The following GDA variants were observed in gnomAD, a reference collection of about 807,000 sequenced individuals.
GDA encodes the protein cytoplasmic PSD-95 interactor.
Under a neutral mutation model 59.6 loss-of-function variants are expected in GDA, and 18 were observed. That is an observed-to-expected ratio of 0.30 (90% CI 0.21 to 0.45). The LOEUF is 0.45. Ranked by LOEUF, GDA falls within the 20% of genes least tolerant of loss-of-function variation. GDA has a pLI of 1.00. For synonymous variants in GDA, 201 were observed against 201.1 expected (o/e 1.00, Z 0.00); for missense variants, 427 against 552.3 (o/e 0.77, Z 2.27).
At chr9:72,202,770 T>C (rs1834166321) in intron 3 of GDA, 28 bp downstream of exon 3, 6 of 1,533,088 alleles carry the variant, frequency 3.9e-6, no homozygotes, top group Non-Finnish European at 5.4e-6. Flanking sequence ...GAGTGTGGTA[T>C]TCTGTTTGGT....
intron 1 of GDA, among the ~76,000 whole-genome samples, chr9:72,128,683 G>T (rs1463907215): frequency 6.6e-6 from 1 of 152,158 alleles, no homozygotes; most frequent in African/African-American, 2.4e-5. Context: ...CTTCAAGCCA[G>T]CACGAAACCA....
intron 1 of GDA, among the ~76,000 whole-genome samples, chr9:72,154,029 T>C (rs1827589763): frequency 1.3e-5 from 2 of 152,174 alleles, no homozygotes; most frequent in African/African-American, 4.8e-5. Flanking sequence ...AGGTAATGCA[T>C]GCTCAAATAT....
At chr9:72,202,347 C>G (rs1310151254) in intron 2 of GDA, among the ~76,000 whole-genome samples, 2 of 152,304 alleles carry the variant, frequency 1.3e-5, no homozygotes, top group South Asian at 4.1e-4. Context: ...CACTGGTTAA[C>G]CCCGACCAGC....
intron 10 of GDA, among the ~76,000 whole-genome samples, chr9:72,234,843 T>C (rs1216396748): frequency 2.0e-5 from 3 of 152,216 alleles, no homozygotes; most frequent in African/African-American, 7.2e-5. Context: ...GATGTTTTTG[T>C]TGGCACACAA....
At chr9:72,183,585 G>T (rs2131112924) in intron 1 of GDA, among the ~76,000 whole-genome samples, 1 of 152,312 alleles carries the variant, frequency 6.6e-6, no homozygotes, top group African/African-American at 2.4e-5. Flanking sequence ...CCGTTAGCCT[G>T]TAGGCAACTG....
chr9:72,200,514 T>C (rs1833852862), intron 2 of GDA, among the ~76,000 whole-genome samples: 1 of 152,168 alleles, frequency 6.6e-6, no homozygotes, highest in Non-Finnish European at 1.5e-5. Flanking sequence ...CTCAACTAGA[T>C]TATAAAGTCT....
chr9:72,186,947 A>T (rs1831931078), intron 1 of GDA, among the ~76,000 whole-genome samples: 2 of 151,940 alleles, frequency 1.3e-5, no homozygotes, highest in Admixed American at 1.3e-4. Context: ...TGTCTAATTC[A>T]TTTTCTACCT....
upstream of GDA, among the ~76,000 whole-genome samples, chr9:72,144,887 TC>T (rs1447644349): frequency 3.3e-5 from 5 of 150,988 alleles, no homozygotes; most frequent in Non-Finnish European, 5.9e-5. Context: ...TTTTGGTGTA[TC>T]TTTTTTTTTT....
intron 1 of GDA, 34 bp downstream of exon 1, chr9:72,149,716 G>A: frequency 6.4e-7 from 1 of 1,566,612 alleles, no homozygotes; most frequent in Non-Finnish European, 8.6e-7. Context: ...CACTCCGACG[G>A]GCGGGAGGAT....
At chr9:72,255,030 C>T (rs987792088), downstream of GDA, among the ~76,000 whole-genome samples, 1 of 152,130 alleles carries the variant, frequency 6.6e-6, no homozygotes, top group Non-Finnish European at 1.5e-5. Context: ...ACAGATGAGC[C>T]CTCAAATTGG....
chr9:72,146,231 AG>A (rs1826628162), upstream of GDA, among the ~76,000 whole-genome samples: 1 of 152,096 alleles, frequency 6.6e-6, no homozygotes, highest in African/African-American at 2.4e-5. Context: ...GTGTGAGCAA[AG>A]CGGATTCATA....
At chr9:72,222,115 G>T (rs1836963169) in intron 6 of GDA, among the ~76,000 whole-genome samples, 1 of 152,144 alleles carries the variant, frequency 6.6e-6, no homozygotes, top group African/African-American at 2.4e-5. Flanking sequence ...TCTGTCTCTA[G>T]GTATTTGCAG....
intron 4 of GDA, among the ~76,000 whole-genome samples, chr9:72,213,134 G>T (rs1488577132): frequency 1.3e-5 from 2 of 152,180 alleles, no homozygotes; most frequent in African/African-American, 2.4e-5. Context: ...TGGGCACAGT[G>T]GTGCGTGCCT....
intron 7 of GDA, among the ~76,000 whole-genome samples, chr9:72,224,991 G>A (rs986705278): frequency 6.6e-6 from 1 of 151,918 alleles, no homozygotes; most frequent in Non-Finnish European, 1.5e-5. Flanking sequence ...TTTCTTAAAC[G>A]GCCAGTATGG....
Position 72,188,937 on chromosome 9 carries a change from T to TA in GDA, c.124-6560dup, listed in dbSNP as rs150684396. 5.5e-3 allele frequency among the ~76,000 whole-genome samples: 775 copies of TA among 140,450 alleles called. 7 individuals carry two copies. Among genetic ancestry groups the TA allele is most frequent in the African/African-American group, 0.019 (751 of 39,504 alleles). 92.1% of individuals were successfully genotyped at this position (140,450 alleles called of 152,430 possible). A position where few individuals can be genotyped will look rare whatever the true frequency, so the allele number is the denominator to read the frequency against. On this transcript the variant is annotated intron_variant, in intron 1 of 13. Transcript: ENST00000358399. ...AAGATTATTCTCTAAATTGAGGGCT[T>TA]AAAGTGTTTTTTCCCATTGGGTTTT... is the stretch of plus-strand genomic sequence containing the variant.
intron 10 of GDA, among the ~76,000 whole-genome samples, chr9:72,239,704 G>A (rs1483999939): frequency 3.9e-5 from 6 of 152,058 alleles, no homozygotes; most frequent in Non-Finnish European, 8.8e-5. Context: ...AATTGTATTT[G>A]TTTTCTTAGT....
intron 5 of GDA, among the ~76,000 whole-genome samples, chr9:72,216,821 G>A (rs1026522988): frequency 4.0e-4 from 61 of 152,016 alleles, no homozygotes; most frequent in African/African-American, 1.2e-3. Context: ...GACTACAGGC[G>A]CCCGCCACCA....
chr9:72,126,106 C>T (rs931574256), intron 1 of GDA, among the ~76,000 whole-genome samples: 2 of 151,904 alleles, frequency 1.3e-5, no homozygotes, highest in Non-Finnish European at 1.5e-5. Flanking sequence ...TTAGTACAGA[C>T]GGGGTTTCAC....
chr9:72,149,909 G>A (rs1826950165), intron 1 of GDA, among the ~76,000 whole-genome samples: 2 of 152,332 alleles, frequency 1.3e-5, no homozygotes, highest in Admixed American at 1.3e-4. Context: ...GCGTGCTAAC[G>A]CCACAACTGG....
Sources: allele counts gnomAD v4.1 joint callset (sites outside exome capture counted in the v4.1 genomes callset), GRCh38; gene constraint gnomAD v4.1.1; transcripts MANE v1.5; gene names NCBI Gene and HGNC (gene_info 2026-07-23, HGNC 2026-07-21).